Variants in RB1 observed in about 807,000 individuals in gnomAD.
RB1 encodes RB transcriptional corepressor 1, also known as retinoblastoma-associated protein.
RB1 carries 18 observed loss-of-function variants against 135.4 expected under a neutral mutation model. That is an observed-to-expected ratio of 0.13 (90% CI 0.09 to 0.20). The LOEUF is 0.20. RB1 is among the 10% of genes least tolerant of loss of function. The pLI, the probability that RB1 is intolerant of heterozygous loss-of-function variation, is 1.00. For synonymous variants in RB1, 365 were observed against 373.2 expected (o/e 0.98, Z 0.25); for missense variants, 868 against 1,110.0 (o/e 0.78, Z 3.10).
intron 17 of RB1, among the ~76,000 whole-genome samples, chr13:48,433,350 TA>T (rs1949149486): frequency 6.6e-6 from 1 of 152,192 alleles, no homozygotes; most frequent in African/African-American, 2.4e-5. Context: ...CTCTAAATTT[TA>T]AAATTATCTT....
rs1350777508 is a variant in RB1, at chr13:48,480,238, C to T, written c.*167C>T. On this transcript the variant is annotated 3_prime_UTR_variant, in exon 27 of 27. Coordinates refer to ENST00000267163, the MANE Select transcript of RB1 (RefSeq NM_000321.3). ...GCAATTGTTTGGGTGATTCCTAAGC[C>T]ACTTGAAATGTTAGTCATTGTTATT... 6 of 636,230 alleles carry T rather than the reference C, an allele frequency of 9.4e-6. No individual in the cohort carries two copies. In the East Asian group the frequency reaches 1.7e-4, roughly 18 times the overall value. 39.4% of individuals were successfully genotyped at this position (636,230 alleles called of 1,614,324 possible).
intron 17 of RB1, among the ~76,000 whole-genome samples, chr13:48,426,385 G>T (rs544583268): frequency 6.6e-6 from 1 of 152,310 alleles, no homozygotes; most frequent in South Asian, 2.1e-4. Flanking sequence ...GATGCATTTG[G>T]TATGCCTTTT....
intron 9 of RB1, 142 bp downstream of exon 9, chr13:48,365,113 G>A: frequency 9.4e-7 from 1 of 1,059,630 alleles, no homozygotes; most frequent in Non-Finnish European, 1.3e-6. Context: ...GAATTGTGGT[G>A]AAACTAACTT....
chr13:48,362,088 T>C (rs1322512692), intron 7 of RB1, among the ~76,000 whole-genome samples: 2 of 151,902 alleles, frequency 1.3e-5, no homozygotes, highest in Admixed American at 6.6e-5. Context: ...GCTGGGACTA[T>C]GGGCATGCAC....
intron 5 of RB1, 148 bp from the exon 6 acceptor site, chr13:48,348,808 T>C: frequency 1.2e-6 from 1 of 865,970 alleles, no homozygotes; most frequent in African/African-American, 1.7e-5. Flanking sequence ...AATTATGCAA[T>C]TAAAATGGAC....
Position 48,419,850 on chromosome 13 carries a change from T to C in RB1, c.1696-33143T>C, listed in dbSNP as rs909866057. ...AAGAGTAAACCAGGAAGAAGTCGAA[T>C]CCCTGAATAGACCAATAACAAGTTC... On this transcript the variant is annotated intron_variant, in intron 17 of 26. Transcript: ENST00000267163. Among the ~76,000 whole-genome samples, 33 of 152,142 alleles carry C rather than the reference T, an allele frequency of 2.2e-4. 1 individual carries two copies. Among genetic ancestry groups the C allele is most frequent in the Admixed American group, 2.0e-3 (31 of 15,272 alleles).
At chr13:48,326,319 T>A (rs1166743130) in intron 2 of RB1, among the ~76,000 whole-genome samples, 1 of 152,142 alleles carries the variant, frequency 6.6e-6, no homozygotes, top group Non-Finnish European at 1.5e-5. Context: ...AAATACTGTC[T>A]TTCTTTACCC....
At chr13:48,439,872 G>A (rs1949219295) in intron 17 of RB1, 1 of 152,062 alleles carries the variant, frequency 6.6e-6, no homozygotes, top group Non-Finnish European at 1.5e-5. Context: ...AGAATATTAA[G>A]TCACTTTTCA....
chr13:48,363,124 A>G lies in RB1; in HGVS notation c.861+167A>G, dbSNP rs2097211. ...AAAAATTAATTCGTTATATTTAGTTACTTTGATTTTAAAGAGAGTAGCTCC... is the reference window on the plus strand; with the variant it reads ...AAAAATTAATTCGTTATATTTAGTTGCTTTGATTTTAAAGAGAGTAGCTCC... On this transcript the variant is annotated intron_variant, in intron 8 of 26. Transcript: ENST00000267163. Among the ~76,000 whole-genome samples, 2,483 of 152,254 alleles carry G rather than the reference A, an allele frequency of 0.016. 59 individuals are homozygous for G. The highest frequency in any genetic ancestry group is 0.054 in the African/African-American group (2,249 of 41,544).
At chr13:48,338,499 G>A (rs571075492) in intron 2 of RB1, among the ~76,000 whole-genome samples, 3 of 152,258 alleles carry the variant, frequency 2.0e-5, no homozygotes, top group African/African-American at 4.8e-5. Flanking sequence ...CATTCATCAC[G>A]TAGTTCTCGT....
chr13:48,457,693 G>A (rs1053641801), intron 19 of RB1, among the ~76,000 whole-genome samples: 8 of 152,150 alleles, frequency 5.3e-5, no homozygotes, highest in African/African-American at 1.9e-4. Flanking sequence ...CTTCCCCCCC[G>A]TGCTCGTCAG....
At chr13:48,327,210 T>A (rs1221031454) in intron 2 of RB1, among the ~76,000 whole-genome samples, 7 of 152,114 alleles carry the variant, frequency 4.6e-5, no homozygotes, top group African/African-American at 1.7e-4. Context: ...TTATACCTTT[T>A]AAAAAATAAA....
chr13:48,464,164 T>G (rs1949422258), intron 21 of RB1, among the ~76,000 whole-genome samples: 1 of 152,206 alleles, frequency 6.6e-6, no homozygotes, highest in Admixed American at 6.5e-5. Context: ...TATTACTTTA[T>G]AGGAAAAGCC....
chr13:48,384,836 CAG>C (rs1948560926), intron 17 of RB1, among the ~76,000 whole-genome samples: 2 of 152,202 alleles, frequency 1.3e-5, no homozygotes, highest in Admixed American at 1.3e-4. Context: ...CTTTTCATCC[CAG>C]AGAGATTAAT....
At chr13:48,367,044 C>T (rs4151500) in intron 9 of RB1, among the ~76,000 whole-genome samples, 1,484 of 133,472 alleles carry the variant, frequency 0.011, 33 homozygotes, top group African/African-American at 0.039. Context: ...GCTTGAACCC[C>T]GGGGGCAGAG....
chr13:48,318,379 T>G, intron 2 of RB1: 1 of 1,490,612 alleles, frequency 6.7e-7, no homozygotes, highest in South Asian at 1.2e-5. Context: ...AGCTTTCGCT[T>G]GGACCTTAAG....
Position 48,464,989 on chromosome 13 carries a change from C to CTTTTT in RB1, c.2212-7_2212-6insTTTTT. 5 of 575,236 alleles carry CTTTTT rather than the reference C, an allele frequency of 8.7e-6. No individual in the cohort carries two copies. The highest frequency in any genetic ancestry group is 7.9e-6 in the Non-Finnish European group (3 of 377,390). 35.6% of individuals were successfully genotyped at this position (575,236 alleles called of 1,614,324 possible). A position where few individuals can be genotyped will look rare whatever the true frequency, so the allele number is the denominator to read the frequency against. ...TTTTTTTTTTTTTTTTTTTACTGTTCTTCCTCAGACATTCAAACGTGTTTT... is the reference window on the plus strand; with the variant it reads ...TTTTTTTTTTTTTTTTTTTACTGTTCTTTTTTTCCTCAGACATTCAAACGTGTTTT... On this transcript the variant is annotated splice_polypyrimidine_tract_variant and intron_variant, in intron 21 of 26. Coordinates refer to ENST00000267163, the MANE Select transcript of RB1 (RefSeq NM_000321.3).
At chr13:48,389,018 GGCCTGGTGGTGAAT>G (rs1185125106) in intron 17 of RB1, among the ~76,000 whole-genome samples, 6 of 152,058 alleles carry the variant, frequency 3.9e-5, no homozygotes, top group Non-Finnish European at 8.8e-5. Context: ...AAATTAGCTG[GGCCTGGTGGTGAAT>G]GCCTGTAATT....
chr13:48,412,361 C>A (rs780067410), intron 17 of RB1: 6 of 1,613,614 alleles, frequency 3.7e-6, no homozygotes. Flanking sequence ...TGAACATGCA[C>A]CCATACAAAG....
Sources: allele counts gnomAD v4.1 joint callset (sites outside exome capture counted in the v4.1 genomes callset), GRCh38; gene constraint gnomAD v4.1.1; transcripts MANE v1.5; gene names NCBI Gene and HGNC (gene_info 2026-07-23, HGNC 2026-07-21).